Variants in CHCHD6 observed in about 807,000 individuals in gnomAD.
CHCHD6 encodes the protein MICOS complex subunit MIC25.
CHCHD6 carries 28 observed loss-of-function variants against 32.3 expected under a neutral mutation model. The observed-to-expected ratio is 0.87, with a 90% CI of 0.64 to 1.19. The LOEUF is 1.19. CHCHD6 is among the 50% of genes most tolerant of loss of function. CHCHD6 has a pLI of 0.00. For synonymous variants in CHCHD6, 122 were observed against 117.5 expected, an observed-to-expected ratio of 1.04 and a Z score of -0.25; for missense variants, 333 against 307.0, an observed-to-expected ratio of 1.08 and a Z score of -0.63.
intron 1 of CHCHD6, among the ~76,000 whole-genome samples, chr3:126,716,258 C>G (rs908265338): frequency 6.6e-6 from 1 of 152,220 alleles, no homozygotes; most frequent in Non-Finnish European, 1.5e-5. Flanking sequence ...CAGACTGAGC[C>G]GTGGTGCTCC....
chr3:126,950,144 C>G (rs1460295217), intron 6 of CHCHD6, among the ~76,000 whole-genome samples: 1 of 152,040 alleles, frequency 6.6e-6, no homozygotes, highest in African/African-American at 2.4e-5. Context: ...AAGAAGGCCA[C>G]ACAGAGGATT....
chr3:126,860,998 C>A (rs188980977), intron 5 of CHCHD6, among the ~76,000 whole-genome samples: 1 of 152,238 alleles, frequency 6.6e-6, no homozygotes, highest in East Asian at 1.9e-4. Flanking sequence ...AAGACTTTAC[C>A]ACTTACTGGC....
intron 4 of CHCHD6, among the ~76,000 whole-genome samples, chr3:126,760,574 A>G (rs1295257133): frequency 6.6e-6 from 1 of 152,214 alleles, no homozygotes; most frequent in African/African-American, 2.4e-5. Flanking sequence ...GGGACCTTAT[A>G]TAAGTGGAAT....
At chr3:126,894,368 C>G (rs920738662) in intron 5 of CHCHD6, among the ~76,000 whole-genome samples, 1 of 152,214 alleles carries the variant, frequency 6.6e-6, no homozygotes, top group African/African-American at 2.4e-5. Context: ...CTTCTCTGTT[C>G]TTTGGGGCCA....
At chr3:126,790,854 C>T (rs143945804) in intron 4 of CHCHD6, among the ~76,000 whole-genome samples, 94 of 152,286 alleles carry the variant, frequency 6.2e-4, no homozygotes, top group African/African-American at 2.2e-3. Flanking sequence ...AGCTTTGTTC[C>T]GTTGCTGGTG....
At chr3:126,856,808 G>T (rs1195133979) in intron 5 of CHCHD6, among the ~76,000 whole-genome samples, 1 of 152,164 alleles carries the variant, frequency 6.6e-6, no homozygotes, top group Admixed American at 6.5e-5. Context: ...TAGGGTGGTA[G>T]GGATGAGTAG....
intron 6 of CHCHD6, among the ~76,000 whole-genome samples, chr3:126,941,907 A>T (rs957470733): frequency 2.0e-5 from 3 of 152,198 alleles, no homozygotes; most frequent in African/African-American, 7.2e-5. Context: ...GTCAGCCCAC[A>T]GACCACACTT....
intron 5 of CHCHD6, among the ~76,000 whole-genome samples, chr3:126,905,913 C>T (rs1464512095): frequency 6.6e-5 from 10 of 151,978 alleles, no homozygotes; most frequent in East Asian, 1.9e-4. Flanking sequence ...GGGCATCACG[C>T]GAGAACCAAG....
rs767755060 is a variant in CHCHD6 at position 126,730,610 on chromosome 3, G to A, written c.246G>A (p.Gly82=). Residue 82 remains glycine (G), a synonymous_variant, in exon 3 of 8, where the codon GGG becomes GGA. Transcript: ENST00000290913. ...SGSSGGQQPS[G]MKEGVKRYEQ... is the part of the protein sequence containing the mutation. ...GCAGTGGTGGCCAGCAGCCCTCAGGGATGAAGGAGGGTGTCAAGAGGTGAG... is the reference window on the plus strand; with the variant it reads ...GCAGTGGTGGCCAGCAGCCCTCAGGAATGAAGGAGGGTGTCAAGAGGTGAG... 4.3e-6 allele frequency: 7 copies of A among 1,613,762 alleles called. No homozygotes were observed. The highest frequency in any genetic ancestry group is 4.2e-6 in the Non-Finnish European group (5 of 1,179,904).
chr3:126,753,638 T>G (rs549629712), intron 4 of CHCHD6, among the ~76,000 whole-genome samples: 1 of 152,376 alleles, frequency 6.6e-6, no homozygotes, highest in Non-Finnish European at 1.5e-5. Context: ...TTGCTTCTCT[T>G]CATCTGCCCT....
chr3:126,926,673 A>G (rs2078328517), intron 6 of CHCHD6, among the ~76,000 whole-genome samples: 1 of 152,162 alleles, frequency 6.6e-6, no homozygotes, highest in Admixed American at 6.5e-5. Context: ...GGTGGTCCCA[A>G]TGTGAAGAGC....
At chr3:126,811,947 G>A (rs1043034260) in intron 4 of CHCHD6, among the ~76,000 whole-genome samples, 2 of 152,146 alleles carry the variant, frequency 1.3e-5, no homozygotes, top group Non-Finnish European at 1.5e-5. Context: ...AACATAGTAC[G>A]TTTTCCTTGC....
chr3:126,926,831 T>A (rs2078331387), intron 6 of CHCHD6, among the ~76,000 whole-genome samples: 1 of 152,130 alleles, frequency 6.6e-6, no homozygotes, highest in Non-Finnish European at 1.5e-5. Context: ...GTAATGATGT[T>A]GAGAGCAGAG....
intron 4 of CHCHD6, among the ~76,000 whole-genome samples, chr3:126,754,031 T>C (rs1162857964): frequency 6.6e-6 from 1 of 152,214 alleles, no homozygotes; most frequent in Non-Finnish European, 1.5e-5. Context: ...CCCAGCAGCA[T>C]TGACATCCCT....
chr3:126,910,520 C>G (rs1303282182), intron 5 of CHCHD6, among the ~76,000 whole-genome samples: 1 of 152,202 alleles, frequency 6.6e-6, no homozygotes, highest in Non-Finnish European at 1.5e-5. Context: ...AGACCTCCCT[C>G]TCATTTGGCT....
chr3:126,852,600 A>G, intron 4 of CHCHD6, 47 bp from the exon 5 acceptor site: 1 of 1,418,752 alleles, frequency 7.0e-7, no homozygotes, highest in Non-Finnish European at 1.0e-6. Flanking sequence ...GCACCATTCC[A>G]GCACCATCGC....
At chr3:126,855,209 T>C (rs1170053646) in intron 5 of CHCHD6, among the ~76,000 whole-genome samples, 1 of 152,180 alleles carries the variant, frequency 6.6e-6, no homozygotes, top group Non-Finnish European at 1.5e-5. Flanking sequence ...GAGGGTCTTA[T>C]GGCACCTGAA....
intron 4 of CHCHD6, among the ~76,000 whole-genome samples, chr3:126,840,346 A>C (rs1941022864): frequency 6.6e-6 from 1 of 152,162 alleles, no homozygotes; most frequent in Non-Finnish European, 1.5e-5. Context: ...AATGTACTAA[A>C]ACCCACTGCA....
intron 1 of CHCHD6, among the ~76,000 whole-genome samples, chr3:126,724,754 C>A (rs1935456988): frequency 6.6e-6 from 1 of 152,188 alleles, no homozygotes; most frequent in African/African-American, 2.4e-5. Context: ...AGTTTATGAT[C>A]CTATTCTAAA....
Sources: allele counts gnomAD v4.1 joint callset (sites outside exome capture counted in the v4.1 genomes callset), GRCh38; gene constraint gnomAD v4.1.1; transcripts MANE v1.5; gene names NCBI Gene and HGNC (gene_info 2026-07-23, HGNC 2026-07-21).